The following KRAS variants were observed in gnomAD, a reference collection of about 807,000 sequenced individuals.
KRAS encodes the protein KRas proto-oncogene, GTPase.
A neutral mutation model predicts 21.0 loss-of-function variants in KRAS; 1 was observed. The observed-to-expected ratio is 0.05, with a 90% CI of 0.02 to 0.23. The LOEUF (loss-of-function observed/expected upper bound fraction) is 0.23. KRAS is among the 10% of genes least tolerant of loss of function. KRAS has a pLI of 1.00. For missense variants in KRAS, 107 were observed against 221.8 expected (o/e 0.48, Z 3.29); for synonymous variants, 67 against 72.5 (o/e 0.92, Z 0.39).
chr12:25,215,290 A>G, intron 4 of KRAS: 1 of 1,274,220 alleles, frequency 7.8e-7, no homozygotes, highest in South Asian at 1.5e-5. Flanking sequence ...TTAAAAATAA[A>G]TGTACTAATT....
chr12:25,243,349 C>T (rs766609661), intron 2 of KRAS, among the ~76,000 whole-genome samples: 6 of 152,112 alleles, frequency 3.9e-5, no homozygotes, highest in Admixed American at 2.0e-4. Context: ...CGTCAGGGAC[C>T]GTCAGTTTCA....
At chr12:25,242,066 A>G (rs1360631136) in intron 2 of KRAS, among the ~76,000 whole-genome samples, 1 of 152,218 alleles carries the variant, frequency 6.6e-6, no homozygotes, top group Non-Finnish European at 1.5e-5. Flanking sequence ...ACCTTGGTAA[A>G]TAAATACTCT....
chr12:25,215,655 T>A, intron 4 of KRAS: 1 of 1,074,918 alleles, frequency 9.3e-7, no homozygotes, highest in Non-Finnish European at 1.4e-6. Flanking sequence ...ATTATGAGCT[T>A]GAGATTTTTT....
chr12:25,249,751 G>A (rs1951740715), intron 1 of KRAS, among the ~76,000 whole-genome samples: 1 of 152,084 alleles, frequency 6.6e-6, no homozygotes, highest in Non-Finnish European at 1.5e-5. Flanking sequence ...CAAAATGAGG[G>A]TAGTATAAAA....
chr12:25,206,948 C>G lies in KRAS; in HGVS notation c.*2847G>C, dbSNP rs947226758. On this transcript the variant is annotated 3_prime_UTR_variant, in exon 5 of 5. Coordinates refer to ENST00000311936, the MANE Select transcript of KRAS (RefSeq NM_004985.5). ...ATGCCAAATAAAAAAACAATATAAT[C>G]AAGTTTATTCCTTTAAAACAATGAA... 2.9e-5 allele frequency: 6 copies of G among 204,858 alleles called. No homozygotes were observed. Among genetic ancestry groups the G allele is most frequent in the Non-Finnish European group, 6.0e-5 (6 of 100,148 alleles). 12.7% of individuals were successfully genotyped at this position (204,858 alleles called of 1,614,324 possible).
Position 25,209,206 on chromosome 12 carries a change from T to C in KRAS, c.*589A>G. On this transcript the variant is annotated 3_prime_UTR_variant, in exon 5 of 5. Transcript: ENST00000311936. Reference sequence around the variant, plus strand: ...TTTTCTTTTTATAGAAAAAATATAATATTTTGGGGAGAGTGACCATGACTA... The same window carrying C: ...TTTTCTTTTTATAGAAAAAATATAACATTTTGGGGAGAGTGACCATGACTA... 1 of 671,424 alleles carries C rather than the reference T, an allele frequency of 1.5e-6. No individual in the cohort carries two copies. The highest frequency in any genetic ancestry group is 2.7e-5 in the East Asian group (1 of 36,546). The allele number at this position is 671,424 out of a possible 1,614,324, so 41.6% of individuals were successfully genotyped here.
chr12:25,230,847 T>C (rs1253548015), intron 2 of KRAS, among the ~76,000 whole-genome samples: 5 of 152,168 alleles, frequency 3.3e-5, no homozygotes, highest in Admixed American at 3.3e-4. Context: ...ATTTTCTAAA[T>C]AAGAGGCTCT....
At chr12:25,223,003 A>G (rs2141500854) in intron 4 of KRAS, among the ~76,000 whole-genome samples, 1 of 152,304 alleles carries the variant, frequency 6.6e-6, no homozygotes, top group Middle Eastern at 3.4e-3. Context: ...GGAGTTTGTT[A>G]GAAATGCAGA....
At chr12:25,241,426 T>G (rs1445573667) in intron 2 of KRAS, among the ~76,000 whole-genome samples, 1 of 152,226 alleles carries the variant, frequency 6.6e-6, no homozygotes, top group Admixed American at 6.5e-5. Flanking sequence ...AAATGATTTA[T>G]AAAATTGCTG....
At chr12:25,238,255 T>C (rs900367320) in intron 2 of KRAS, among the ~76,000 whole-genome samples, 2 of 152,154 alleles carry the variant, frequency 1.3e-5, no homozygotes, top group African/African-American at 4.8e-5. Flanking sequence ...ATATGACAAA[T>C]TTTGAAAATA....
chr12:25,217,011 T>C (rs1281462877), intron 4 of KRAS, among the ~76,000 whole-genome samples: 1 of 152,214 alleles, frequency 6.6e-6, no homozygotes, highest in African/African-American at 2.4e-5. Context: ...TAAGAATAAA[T>C]TACCTAATTT....
intron 2 of KRAS, among the ~76,000 whole-genome samples, chr12:25,233,257 T>C (rs1431883210): frequency 6.6e-6 from 1 of 152,098 alleles, no homozygotes; most frequent in East Asian, 1.9e-4. Flanking sequence ...AGTTTATAAA[T>C]GTAGGTTAGG....
At chr12:25,248,375 G>C (rs1470528970) in intron 1 of KRAS, among the ~76,000 whole-genome samples, 1 of 152,104 alleles carries the variant, frequency 6.6e-6, no homozygotes, top group Non-Finnish European at 1.5e-5. Flanking sequence ...GCTTGAGCCT[G>C]AGAGTCGGAG....
At chr12:25,231,791 G>A (rs1391622658) in intron 2 of KRAS, among the ~76,000 whole-genome samples, 1 of 152,176 alleles carries the variant, frequency 6.6e-6, no homozygotes, top group Non-Finnish European at 1.5e-5. Context: ...ACTCTTAGAA[G>A]TGCAATTAGT....
At chr12:25,242,663 T>G (rs1951625449) in intron 2 of KRAS, among the ~76,000 whole-genome samples, 1 of 152,210 alleles carries the variant, frequency 6.6e-6, no homozygotes, top group East Asian at 1.9e-4. Context: ...CCTCTGCCAC[T>G]AAGTTGCCAT....
In KRAS at chr12:25,209,153, TC is replaced by T; in HGVS notation, c.*641del. On this transcript the variant is annotated 3_prime_UTR_variant, in exon 5 of 5. Coordinates refer to ENST00000311936, the MANE Select transcript of KRAS (RefSeq NM_004985.5). ...AAAAGGAAATGGCCTTATAATAGTT[TC>T]CATTGCCTTGTAATTTTTTTCCATT... 1.5e-6 allele frequency: 1 copy of T among 645,454 alleles called. No individual in the cohort carries two copies. The highest frequency in any genetic ancestry group is 2.8e-6 in the Non-Finnish European group (1 of 360,904). The allele number at this position is 645,454 out of a possible 1,614,324, so 40.0% of individuals were successfully genotyped here. A position where few individuals can be genotyped will look rare whatever the true frequency, so the allele number is the denominator to read the frequency against.
At chr12:25,214,761 G>C (rs1174334871) in intron 4 of KRAS, among the ~76,000 whole-genome samples, 3 of 152,112 alleles carry the variant, frequency 2.0e-5, no homozygotes, top group African/African-American at 4.8e-5. Flanking sequence ...AAACCAAATA[G>C]GAGGTTCTAA....
intron 4 of KRAS, among the ~76,000 whole-genome samples, chr12:25,212,397 A>G (rs948780104): frequency 6.6e-6 from 1 of 152,206 alleles, no homozygotes; most frequent in Non-Finnish European, 1.5e-5. Context: ...CTTATGTTGC[A>G]ATGAACTCTC....
At chr12:25,227,832 C>A (rs546601386) in intron 2 of KRAS, among the ~76,000 whole-genome samples, 1 of 152,266 alleles carries the variant, frequency 6.6e-6, no homozygotes, top group East Asian at 1.9e-4. Context: ...ATATGATCAG[C>A]AATTCCATTC....
Sources: gnomAD v4.1 joint callset for allele counts (sites outside exome capture counted in the v4.1 genomes callset) on GRCh38, gnomAD v4.1.1 for gene constraint, MANE v1.5 for transcripts, NCBI Gene and HGNC (gene_info 2026-07-23, HGNC 2026-07-21) for gene names.